PTPRD: variants seen among roughly 807,000 people sequenced by gnomAD.
The protein encoded by PTPRD is protein tyrosine phosphatase receptor type D, also known as receptor-type tyrosine-protein phosphatase delta.
A neutral mutation model predicts 214.5 loss-of-function variants in PTPRD; 34 were observed. That is an observed-to-expected ratio of 0.16 (90% confidence interval 0.12 to 0.21). The LOEUF (loss-of-function observed/expected upper bound fraction) is 0.21, where lower values mean the gene tolerates loss of function less well. Among genes scored for constraint, PTPRD ranks in the 10% least tolerant of loss-of-function variants. PTPRD has a pLI of 1.00. For synonymous variants in PTPRD, 1,128 were observed against 845.7 expected (o/e 1.33, Z -5.79); for missense variants, 2,545 against 2,398.7 (o/e 1.06, Z -1.27).
chr9:8,591,653 A>C (rs138552541), intron 14 of PTPRD, among the ~76,000 whole-genome samples: 13 of 152,324 alleles, frequency 8.5e-5, no homozygotes, highest in Non-Finnish European at 1.5e-4. Flanking sequence ...CAAATTCAGA[A>C]GGACACGTCT....
At chr9:9,556,510 G>A (rs1469046679) in intron 8 of PTPRD, among the ~76,000 whole-genome samples, 1 of 152,124 alleles carries the variant, frequency 6.6e-6, no homozygotes, top group Non-Finnish European at 1.5e-5. Flanking sequence ...TAAATTCCTA[G>A]AAGTCTATCA....
At chr9:9,200,325 T>A (rs1166099994) in intron 9 of PTPRD, among the ~76,000 whole-genome samples, 1 of 152,210 alleles carries the variant, frequency 6.6e-6, no homozygotes, top group East Asian at 1.9e-4. Flanking sequence ...TAACCCAATT[T>A]GAATGTGATC....
chr9:10,535,675 A>C (rs2057604347), intron 2 of PTPRD, among the ~76,000 whole-genome samples: 2 of 125,350 alleles, frequency 1.6e-5, no homozygotes, highest in South Asian at 4.4e-4. Context: ...CCATTAAGTG[A>C]ATATAATATA....
chr9:9,781,796 TA>T lies in PTPRD; in HGVS notation c.-367-14946del, dbSNP rs199873372. Among the ~76,000 whole-genome samples, 13 of 40,928 alleles carry T rather than the reference TA, an allele frequency of 3.2e-4. 1 individual carries two copies. Among genetic ancestry groups the T allele is most frequent in the African/African-American group, 5.8e-4 (3 of 5,208 alleles). 26.9% of individuals were successfully genotyped at this position (40,928 alleles called of 152,430 possible). On this transcript the variant is annotated intron_variant, in intron 5 of 45. Transcript: ENST00000381196. The stretch of plus-strand genomic sequence containing the variant: ...GACTAACATTTTTTGTCTGGACTCA[TA>T]TTTTTTTTTTTTTTAGACGGAGTCT...
chr9:9,052,104 G>C (rs2099686939), intron 10 of PTPRD, among the ~76,000 whole-genome samples: 2 of 152,186 alleles, frequency 1.3e-5, no homozygotes, highest in Non-Finnish European at 2.9e-5. Context: ...TCAGTGTGGT[G>C]TGGTGTTGTT....
chr9:10,002,714 G>C (rs1004150074), intron 4 of PTPRD, among the ~76,000 whole-genome samples: 3 of 148,118 alleles, frequency 2.0e-5, no homozygotes, highest in Non-Finnish European at 4.5e-5. Context: ...GAAACAAAGA[G>C]AGAAATAGAA....
chr9:9,358,216 T>G (rs183591826), intron 9 of PTPRD, among the ~76,000 whole-genome samples: 1 of 151,394 alleles, frequency 6.6e-6, no homozygotes, highest in African/African-American at 2.4e-5. Context: ...TATAGGCAAT[T>G]TTTTCTTATT....
rs143184199 is a variant in PTPRD at position 9,377,811 on chromosome 9, G to A, written c.-203+19638C>T. 7.0e-4 allele frequency among the ~76,000 whole-genome samples: 106 copies of A among 152,076 alleles called. 2 individuals are homozygous for A. The East Asian group carries it at 0.018, about 26-fold the overall frequency. On this transcript the variant is annotated intron_variant, in intron 9 of 45. Coordinates refer to ENST00000381196, the MANE Select transcript of PTPRD (RefSeq NM_002839.4). ...GAGAGAAGTACCACAGTTGAGACAC[G>A]GCAGGGTCATACCTATTAGGCATAC...
intron 11 of PTPRD, among the ~76,000 whole-genome samples, chr9:8,899,237 C>T (rs145299190): frequency 6.6e-6 from 1 of 152,292 alleles, no homozygotes; most frequent in African/African-American, 2.4e-5. Flanking sequence ...GAACCTGGGT[C>T]CCTCAACTGG....
chr9:8,776,424 C>A (rs548786788), intron 11 of PTPRD, among the ~76,000 whole-genome samples: 41 of 152,180 alleles, frequency 2.7e-4, no homozygotes, highest in African/African-American at 9.6e-4. Context: ...TACTTAGCGT[C>A]CCAAGTAGCT....
intron 2 of PTPRD, among the ~76,000 whole-genome samples, chr9:10,432,586 A>C (rs188135872): frequency 5.3e-4 from 80 of 152,036 alleles, no homozygotes; most frequent in African/African-American, 1.9e-3. Context: ...CTCAATCCTC[A>C]CGACTTCTTA....
At chr9:8,824,308 C>A (rs1411100450) in intron 11 of PTPRD, among the ~76,000 whole-genome samples, 1 of 152,098 alleles carries the variant, frequency 6.6e-6, no homozygotes, top group Non-Finnish European at 1.5e-5. Flanking sequence ...TATAAGAGAA[C>A]CTTTGATCCT....
intron 4 of PTPRD, among the ~76,000 whole-genome samples, chr9:9,956,348 T>C (rs942828831): frequency 6.6e-6 from 1 of 151,624 alleles, no homozygotes; most frequent in Non-Finnish European, 1.5e-5. Flanking sequence ...AGTGATTTAA[T>C]TGAGGCTGAG....
intron 2 of PTPRD, among the ~76,000 whole-genome samples, chr9:10,444,422 G>T (rs2098784150): frequency 6.6e-6 from 1 of 151,620 alleles, no homozygotes; most frequent in Non-Finnish European, 1.5e-5. Context: ...CATTATATAG[G>T]CAAAATTATT....
chr9:9,437,950 T>C (rs1360759448), intron 8 of PTPRD, among the ~76,000 whole-genome samples: 1 of 152,194 alleles, frequency 6.6e-6, no homozygotes, highest in Non-Finnish European at 1.5e-5. Flanking sequence ...GCTACAACTT[T>C]GAAATTGCGG....
chr9:10,231,895 C>G (rs1413336246), intron 3 of PTPRD, among the ~76,000 whole-genome samples: 1 of 150,870 alleles, frequency 6.6e-6, no homozygotes, highest in South Asian at 2.1e-4. Flanking sequence ...TAGTGACATT[C>G]TCTTGGTAGT....
chr9:9,634,510 T>C (rs2095692632), intron 7 of PTPRD, among the ~76,000 whole-genome samples: 1 of 152,198 alleles, frequency 6.6e-6, no homozygotes, highest in Non-Finnish European at 1.5e-5. Flanking sequence ...ATAAATTTGC[T>C]GATTATTTAA....
chr9:10,566,866 C>G lies in PTPRD; in HGVS notation c.-600+45532G>C, dbSNP rs891917187. 1.1e-4 allele frequency among the ~76,000 whole-genome samples: 17 copies of G among 152,146 alleles called. 1 individual carries two copies. In the East Asian group the frequency reaches 3.1e-3, roughly 28 times the overall value. The stretch of plus-strand genomic sequence containing the variant: ...GGAATGAGTAGGGTTCAAAATCATT[C>G]TCTCCCTTATCCTCATAGGAATAGT... On this transcript the variant is annotated intron_variant, in intron 2 of 45. Transcript: ENST00000381196.
At chr9:9,743,201 A>G (rs1564916106) in intron 6 of PTPRD, among the ~76,000 whole-genome samples, 1 of 152,158 alleles carries the variant, frequency 6.6e-6, no homozygotes, top group African/African-American at 2.4e-5. Flanking sequence ...CATAAATAAA[A>G]CAATTTTATA....
Sources: gnomAD v4.1 joint callset for allele counts (sites outside exome capture counted in the v4.1 genomes callset) on GRCh38, gnomAD v4.1.1 for gene constraint, MANE v1.5 for transcripts, NCBI Gene and HGNC (gene_info 2026-07-23, HGNC 2026-07-21) for gene names.